The following SLC13A5 variants were observed in gnomAD, a reference collection of about 807,000 sequenced individuals.
The protein encoded by SLC13A5 is solute carrier family 13 member 5, also known as Na(+)/citrate cotransporter.
SLC13A5 carries 25 observed loss-of-function variants against 56.5 expected under a neutral mutation model. The ratio of observed to expected loss-of-function variants is 0.44; its 90% CI spans 0.32 to 0.62. SLC13A5 has a LOEUF of 0.62. Among genes scored for constraint, SLC13A5 ranks in the 20% least tolerant of loss-of-function variants. The pLI, the probability that SLC13A5 is intolerant of heterozygous loss-of-function variation, is 0.04. For synonymous variants in SLC13A5, 307 were observed against 301.5 expected (o/e 1.02, Z -0.19); for missense variants, 649 against 737.8 (o/e 0.88, Z 1.39).
At chr17:6,686,365 T>G (rs200082361) in intron 11 of SLC13A5, 27 bp from the exon 12 acceptor site, 1 of 1,613,404 alleles carries the variant, frequency 6.2e-7, no homozygotes, top group Non-Finnish European at 8.5e-7. Context: ...GTCAGCACCC[T>G]GAGGCCTGCT....
Position 6,690,783 on chromosome 17 carries a change from G to C in SLC13A5, c.1433C>G (p.Ser478Cys), listed in dbSNP as rs775187603. 6.2e-7 allele frequency: 1 copy of C among 1,614,092 alleles called. No homozygotes were observed. Among genetic ancestry groups the C allele is most frequent in the Non-Finnish European group, 8.5e-7 (1 of 1,180,048 alleles). ...CCCCACTGTCAGGTTACTTACCATG[G>C]AGGCAAAGATGGGCAGGAACAAGGT... ...TTTLFLPIFA[S>C]MSRSIGLNPL... Residue 478 changes from serine (S) to cysteine (C), a missense_variant, in exon 10 of 12, where the codon TCC becomes TGC. Ser to Cys is a moderately radical substitution (Grantham distance 112). Transcript: ENST00000433363.
rs773770609 is a variant in SLC13A5 at position 6,695,784 on chromosome 17, G to A, written c.997C>T (p.Arg333Ter). Residue 333 changes from arginine (R) to a stop codon, truncating the protein, a stop_gained, in exon 7 of 12, where the codon CGA (arginine) becomes TGA (stop). Transcript: ENST00000433363. LOFTEE classifies it high-confidence loss of function. The part of the protein sequence containing the change: ...FFLLVILWFS[R>*]DPGFMPGWLT... ...CAGCCGGGCATGAAGCCGGGGTCTC[G>A]GGAGAACCACAGGATGACCAGCAGG... The A allele has an allele frequency of 1.5e-5, 25 of 1,614,006 alleles. No homozygotes were observed. The highest frequency in any genetic ancestry group is 5.0e-5 in the Admixed American group (3 of 60,002).
Position 6,701,035 on chromosome 17 carries a change from GC to G in SLC13A5, c.807del (p.Trp269CysfsTer9), listed in dbSNP as rs758800536. On this transcript the variant is annotated frameshift_variant, in exon 6 of 12. Transcript: ENST00000433363. LOFTEE classifies it high-confidence loss of function. This position sits in a 1 kb window ranked among gnomAD's most constrained non-coding sequence, Gnocchi z 4.1. ...CTCATGTAAACAAACTGGAGCCACA[GC>G]CAGGCGAACAGCAGCATCACCAGCA... ...PNMLVMLLFA[W>X]LWLQFVYMRF... 2 of 1,614,214 alleles carry G rather than the reference GC, an allele frequency of 1.2e-6. No homozygotes were observed. Among genetic ancestry groups the G allele is most frequent in the East Asian group, 4.5e-5 (2 of 44,892 alleles).
Position 6,707,054 on chromosome 17 carries a change from G to C in SLC13A5, c.205C>G (p.Leu69Val). 1 of 1,614,080 alleles carries C rather than the reference G, an allele frequency of 6.2e-7. No homozygotes were observed. The highest frequency in any genetic ancestry group is 1.1e-5 in the South Asian group (1 of 91,086). ...TSLMPVLLFP[L>V]FQILDSRQVC... is the part of the protein sequence containing the mutation. The stretch of plus-strand genomic sequence containing the variant: ...TGCCTGGAGTCCAGAATCTGGAAGA[G>C]TGGGAAAAGCAAGACAGGCATGAGA... The change falls in exon 2 of 12, where the codon CTC becomes GTC. Residue 69 changes from leucine (L) to valine (V), a missense_variant. Physicochemically the swap from Leu to Val is conservative, Grantham distance 32 (BLOSUM62 1). Coordinates refer to ENST00000433363, the MANE Select transcript of SLC13A5 (RefSeq NM_177550.5).
rs1406928296 is a variant in SLC13A5, at chr17:6,706,696, A to G, written c.314T>C (p.Leu105Pro). The G allele has an allele frequency of 6.2e-7, 1 of 1,613,900 alleles. No individual in the cohort carries two copies. Among genetic ancestry groups the G allele is most frequent in the East Asian group, 2.2e-5 (1 of 44,860 alleles). The change falls in exon 3 of 12, where the codon CTG (leucine) becomes CCG (proline). Residue 105 changes from leucine (L) to proline (P), a missense_variant. Physicochemically the swap from Leu to Pro is moderately conservative, Grantham distance 98. Coordinates refer to ENST00000433363, the MANE Select transcript of SLC13A5 (RefSeq NM_177550.5). ...CGTGCGCAGGGCGATCCTCTTGTGC[A>G]GGTTCCAGCGCTCCACAGCCACGGC... The part of the protein sequence containing the change: ...IVAVAVERWN[L>P]HKRIALRTLL...
At chr17:6,710,492 G>A (rs1973991372) in intron 1 of SLC13A5, among the ~76,000 whole-genome samples, 1 of 152,014 alleles carries the variant, frequency 6.6e-6, no homozygotes. Context: ...CGTCACCAAT[G>A]TACACTGTGC....
At chr17:6,702,859 G>A in intron 5 of SLC13A5, 111 bp downstream of exon 5, 1 of 1,388,150 alleles carries the variant, frequency 7.2e-7, no homozygotes, top group South Asian at 1.4e-5. Flanking sequence ...GGCCAGGTCT[G>A]GCTGCCCCGA....
Position 6,692,749 on chromosome 17 carries a change from T to G in SLC13A5, c.1275+295A>C. The G allele has an allele frequency of 2.4e-6, 1 of 408,920 alleles. No homozygotes were observed. The allele number at this position is 408,920 out of a possible 1,614,324, so 25.3% of individuals were successfully genotyped here. A position where few individuals can be genotyped will look rare whatever the true frequency, so the allele number is the denominator to read the frequency against. On this transcript the variant is annotated intron_variant, in intron 9 of 11. Coordinates refer to ENST00000433363, the MANE Select transcript of SLC13A5 (RefSeq NM_177550.5). This position sits in a 1 kb window ranked among gnomAD's most constrained non-coding sequence, Gnocchi z 5.5. ...TCCCTCAGACAAATCAAAGCAGAGA[T>G]TATTGTGATCAAGCCCCAGAGGGTA...
rs188338884 is a variant in SLC13A5, at chr17:6,701,831, C to A, written c.717-705G>T. ...GGGTTTCTGCAAAGAACGGTCCCCCCACTTAGCAAAGGAAATCTCAAAAGC... is the reference window on the plus strand; with the variant it reads ...GGGTTTCTGCAAAGAACGGTCCCCCAACTTAGCAAAGGAAATCTCAAAAGC... On this transcript the variant is annotated intron_variant, in intron 5 of 11. Transcript: ENST00000433363. This position sits in a 1 kb window ranked among gnomAD's most constrained non-coding sequence, Gnocchi z 4.1. Among the ~76,000 whole-genome samples the A allele has an allele frequency of 5.0e-4, 76 of 152,338 alleles. No individual in the cohort carries two copies. The highest frequency in any genetic ancestry group is 1.7e-3 in the African/African-American group (70 of 41,578).
In SLC13A5 at chr17:6,692,105, T is replaced by TTGGA. The variant is rs1469275885; in HGVS notation, c.1275+935_1275+938dup. ...TAACACTAGGGACATAATAGGAATGTTGGATGGATGGATGGATAGATGGAT... is the reference window on the plus strand; with the variant it reads ...TAACACTAGGGACATAATAGGAATGTTGGATGGATGGATGGATGGATAGATGGAT... On this transcript the variant is annotated intron_variant, in intron 9 of 11. Transcript: ENST00000433363. The surrounding 1 kb of genome is among the most constrained non-coding windows in gnomAD (Gnocchi z 5.5). Among the ~76,000 whole-genome samples the TTGGA allele has an allele frequency of 4.8e-5, 7 of 146,982 alleles. No individual in the cohort carries two copies. Among genetic ancestry groups the TTGGA allele is most frequent in the Non-Finnish European group, 8.9e-5 (6 of 67,072 alleles).
rs754804579 is a variant in SLC13A5 at position 6,693,046 on chromosome 17, C to G, written c.1273G>C (p.Glu425Gln). ...GGGFALAKGSEASGLSVWMGK... is the reference protein window; with the variant it reads ...GGGFALAKGSQASGLSVWMGK... Reference sequence around the variant, plus strand: ...CAGCCTGTGGCTGGAGAAGTTACCTCGGATCCTTTAGCCAGAGCAAATCCG... The same window carrying G: ...CAGCCTGTGGCTGGAGAAGTTACCTGGGATCCTTTAGCCAGAGCAAATCCG... The change falls in exon 9 of 12, where the codon GAG becomes CAG. Residue 425 changes from glutamate (E) to glutamine (Q), a missense_variant and splice_region_variant. Transcript: ENST00000433363. 1 of 1,613,822 alleles carries G rather than the reference C, an allele frequency of 6.2e-7. No individual in the cohort carries two copies. Among genetic ancestry groups the G allele is most frequent in the Non-Finnish European group, 8.5e-7 (1 of 1,179,704 alleles).
chr17:6,700,601 C>A (rs955639194), intron 6 of SLC13A5, among the ~76,000 whole-genome samples: 2 of 152,158 alleles, frequency 1.3e-5, no homozygotes, highest in Non-Finnish European at 2.9e-5. Context: ...GTGCTGGGAG[C>A]TGTGCGGGGT....
chr17:6,700,530 G>A (rs1273526389), intron 6 of SLC13A5, among the ~76,000 whole-genome samples: 6 of 152,222 alleles, frequency 3.9e-5, no homozygotes, highest in South Asian at 2.1e-4. Context: ...CAGCAATGTC[G>A]AACTGGCACG....
chr17:6,690,963 T>C, intron 9 of SLC13A5, 23 bp from the exon 10 acceptor site: 3 of 1,583,798 alleles, frequency 1.9e-6, no homozygotes, highest in Non-Finnish European at 2.6e-6. Context: ...AGGAGGGCAG[T>C]CATCTCAGCG....
Position 6,699,532 on chromosome 17 carries a change from A to G in SLC13A5, c.839+1472T>C, listed in dbSNP as rs1973654749. The stretch of plus-strand genomic sequence containing the variant: ...GTCGCCCAGGCTGGAGTGCAGTGGC[A>G]TGATCTTGGCTTACTGCAACCTCTA... On this transcript the variant is annotated intron_variant, in intron 6 of 11. Coordinates refer to ENST00000433363, the MANE Select transcript of SLC13A5 (RefSeq NM_177550.5). Among the ~76,000 whole-genome samples, 8 of 152,020 alleles carry G rather than the reference A, an allele frequency of 5.3e-5. No individual in the cohort carries two copies. In the South Asian group the frequency reaches 1.7e-3, roughly 32 times the overall value.
Position 6,711,854 on chromosome 17 carries a change from C to G in SLC13A5, c.102+1378G>C, listed in dbSNP as rs543909313. 3.3e-5 allele frequency among the ~76,000 whole-genome samples: 5 copies of G among 152,196 alleles called. No homozygotes were observed. In the East Asian group the frequency reaches 7.8e-4, roughly 24 times the overall value. ...CCTGGCTACTTCCCCTGGACAATAA[C>G]AACCCCAGACTTCTTGCTACAGAGG... On this transcript the variant is annotated intron_variant, in intron 1 of 11. Transcript: ENST00000433363. This position sits in a 1 kb window ranked among gnomAD's most constrained non-coding sequence, Gnocchi z 4.0.
At chr17:6,691,334 C>G (rs570134938) in intron 9 of SLC13A5, among the ~76,000 whole-genome samples, 1 of 152,210 alleles carries the variant, frequency 6.6e-6, no homozygotes, top group Admixed American at 6.5e-5. Flanking sequence ...GTCATGCTGC[C>G]GGTCTCTGTT....
chr17:6,698,325 C>T (rs1973614830), intron 6 of SLC13A5, among the ~76,000 whole-genome samples: 1 of 152,258 alleles, frequency 6.6e-6, no homozygotes, highest in South Asian at 2.1e-4. Context: ...GAAGGCCGTG[C>T]CAGGCTGGGT....
chr17:6,693,883 C>T (rs954580058), intron 8 of SLC13A5, among the ~76,000 whole-genome samples: 1 of 152,194 alleles, frequency 6.6e-6, no homozygotes, highest in Non-Finnish European at 1.5e-5. Context: ...AATAAAATTT[C>T]AAATGTTAAA....
Sources: allele counts gnomAD v4.1 joint callset (sites outside exome capture counted in the v4.1 genomes callset), GRCh38; gene constraint gnomAD v4.1.1; non-coding constraint Gnocchi (gnomAD v3.1); transcripts MANE v1.5; gene names NCBI Gene and HGNC (gene_info 2026-07-23, HGNC 2026-07-21).